The following NFASC variants were observed in gnomAD, a reference collection of about 807,000 sequenced individuals.
NFASC encodes the protein neurofascin homolog.
In NFASC, 43 loss-of-function variants were observed where a neutral mutation model predicts 147.5. That is an observed-to-expected ratio of 0.29 (90% CI 0.23 to 0.38). The LOEUF (loss-of-function observed/expected upper bound fraction) is 0.38, where lower values mean the gene tolerates loss of function less well. Ranked by LOEUF, NFASC falls within the 10% of genes least tolerant of loss-of-function variation. The pLI is 1.00. For missense variants in NFASC, 1,320 were observed against 1,689.0 expected (o/e 0.78, Z 3.83); for synonymous variants, 622 against 665.5 (o/e 0.93, Z 1.01).
intron 1 of NFASC, among the ~76,000 whole-genome samples, chr1:204,877,707 C>T (rs1424913804): frequency 5.9e-5 from 9 of 152,088 alleles, no homozygotes; most frequent in Non-Finnish European, 1.2e-4. Context: ...TCCATTTATC[C>T]ATTGGTGGAC....
At chr1:204,839,724 C>A (rs1358417791) in intron 1 of NFASC, among the ~76,000 whole-genome samples, 3 of 152,158 alleles carry the variant, frequency 2.0e-5, no homozygotes, top group Non-Finnish European at 4.4e-5. Flanking sequence ...GGGAAGAGGG[C>A]TGTGGAAAGG....
rs749844237 is a variant in NFASC at position 204,936,198 on chromosome 1, C to CTTTTTTTTTTTTTTTTTTT, written c.-90-8023_-90-8022insTTTTTTTTTTTTTTTTTTT. On this transcript the variant is annotated intron_variant, in intron 2 of 29. Transcript: ENST00000339876. ...TAACAGATTCCCTCTCTCTCTCTTT[C>CTTTTTTTTTTTTTTTTTTT]TTTTTCTTTTTTTTTTTTTTTGAGA... 2.8e-5 allele frequency among the ~76,000 whole-genome samples: 2 copies of CTTTTTTTTTTTTTTTTTTT among 71,880 alleles called. 1 individual carries two copies. The allele number at this position is 71,880 out of a possible 152,430, so 47.2% of individuals were successfully genotyped here.
intron 21 of NFASC, chr1:204,983,890 A>T (rs2095555697): frequency 3.2e-6 from 2 of 623,124 alleles, no homozygotes; most frequent in African/African-American, 1.8e-5. Context: ...GTACTGTCTC[A>T]TGGAGGAGAT....
rs749143598 is a variant in NFASC at position 204,944,372 on chromosome 1, C to A, written c.57C>A (p.Leu19=). The change falls in exon 3 of 30, where the codon CTC becomes CTA. Residue 19 remains leucine, a synonymous_variant. Transcript: ENST00000339876. The part of the protein sequence containing the change: ...WVHAAFLLCL[L]SLGGAIEIPM... ...ATGCAGCCTTCCTCCTCTGCCTCCT[C>A]AGTCTTGGCGGAGCCATCGAAATTC... is the stretch of plus-strand genomic sequence containing the variant. 2.5e-6 allele frequency: 4 copies of A among 1,612,254 alleles called. No homozygotes were observed.
chr1:204,853,250 G>A (rs1223780668), intron 1 of NFASC, among the ~76,000 whole-genome samples: 2 of 152,218 alleles, frequency 1.3e-5, no homozygotes, highest in African/African-American at 2.4e-5. Context: ...GGCTAGCCTA[G>A]AATGTGTTCA....
chr1:204,963,368 C>T (rs930013440), intron 8 of NFASC, among the ~76,000 whole-genome samples: 10 of 152,206 alleles, frequency 6.6e-5, no homozygotes, highest in Non-Finnish European at 1.2e-4. Flanking sequence ...TGTTCTAAAT[C>T]GGATTCCAGG....
intron 2 of NFASC, among the ~76,000 whole-genome samples, chr1:204,933,044 G>A (rs1198956317): frequency 6.6e-6 from 1 of 152,132 alleles, no homozygotes. Flanking sequence ...GGTAGCGGGG[G>A]CAGTTGGAGA....
At chr1:204,837,398 C>T (rs920006026) in intron 1 of NFASC, among the ~76,000 whole-genome samples, 14 of 152,178 alleles carry the variant, frequency 9.2e-5, no homozygotes, top group Non-Finnish European at 1.6e-4. Context: ...GTGAATTGGC[C>T]AGGCTGCAGC....
intron 1 of NFASC, among the ~76,000 whole-genome samples, chr1:204,905,134 G>A (rs2085534524): frequency 6.6e-6 from 1 of 152,030 alleles, no homozygotes; most frequent in African/African-American, 2.4e-5. Context: ...GCCCAGGCTG[G>A]AGTGCAGTGG....
chr1:204,884,580 A>G (rs1360269659), intron 1 of NFASC, among the ~76,000 whole-genome samples: 1 of 152,088 alleles, frequency 6.6e-6, no homozygotes, highest in Admixed American at 6.5e-5. Flanking sequence ...GGACACCTAG[A>G]TTTGTACCTG....
intron 1 of NFASC, among the ~76,000 whole-genome samples, chr1:204,867,582 G>A (rs2077215981): frequency 6.6e-6 from 1 of 151,954 alleles, no homozygotes; most frequent in Non-Finnish European, 1.5e-5. Context: ...TAGATCCCCT[G>A]TGCCTGATAT....
intron 16 of NFASC, chr1:204,977,135 T>A (rs947277063): frequency 1.7e-6 from 2 of 1,145,890 alleles, no homozygotes; most frequent in African/African-American, 3.2e-5. Context: ...AAACAATCCA[T>A]CCTTAAAGCA....
At chr1:204,997,457 C>T (rs546290097) in intron 25 of NFASC, 51 bp downstream of exon 25, 28 of 1,548,354 alleles carry the variant, frequency 1.8e-5, no homozygotes, top group African/African-American at 1.2e-4. Context: ...GCCTCCCCAG[C>T]GGCCTCCAGA....
intron 1 of NFASC, among the ~76,000 whole-genome samples, chr1:204,871,678 C>T (rs1397394517): frequency 6.6e-6 from 1 of 152,140 alleles, no homozygotes; most frequent in Non-Finnish European, 1.5e-5. Flanking sequence ...TGAGAATAGT[C>T]CCTTTTGCTC....
chr1:204,970,648 C>T lies in NFASC; in HGVS notation c.1036C>T (p.Leu346Phe). 1 of 1,614,182 alleles carries T rather than the reference C, an allele frequency of 6.2e-7. No homozygotes were observed. The highest frequency in any genetic ancestry group is 8.5e-7 in the Non-Finnish European group (1 of 1,180,052). ...CTACTGGCTGGACGAACCCAAGAAC[C>T]TTATTCTGGCTCCTGGCGAGGATGG... ...APYWLDEPKN[L>F]ILAPGEDGRL... Residue 346 changes from leucine to phenylalanine, a missense_variant, in exon 11 of 30, where the codon CTT becomes TTT. By Grantham distance (22) the Leu-to-Phe change is conservative. Around this residue, in one of 3 missense-constraint regions of NFASC, gnomAD observed 981 missense variants for 1,289.5 expected, o/e 0.76. Coordinates refer to ENST00000339876, the MANE Select transcript of NFASC (RefSeq NM_001005388.3).
rs949528162 is a variant in NFASC at position 204,978,985 on chromosome 1, C to T, written c.1894C>T (p.Arg632Trp). Reference protein sequence around the residue: ...ALPKGRPDRPRDLELTDLAER... With the variant: ...ALPKGRPDRPWDLELTDLAER... ...GCCACCAGGACGGCCAGACCGGCCC[C>T]GGGACCTGGAGCTGACCGACCTGGC... Residue 632 changes from arginine (R) to tryptophan (W), a missense_variant, in exon 18 of 30, where the codon CGG becomes TGG. Physicochemically the swap from Arg to Trp is moderately radical, Grantham distance 101. Coordinates refer to ENST00000339876, the MANE Select transcript of NFASC (RefSeq NM_001005388.3). The T allele has an allele frequency of 3.1e-5, 49 of 1,557,514 alleles. No individual in the cohort carries two copies. Among genetic ancestry groups the T allele is most frequent in the African/African-American group, 1.8e-4 (13 of 73,506 alleles).
rs149873707 is a variant in NFASC, at chr1:204,944,336, G to A, written c.21G>A (p.Pro7=). The change falls in exon 3 of 30, where the codon CCG becomes CCA. Residue 7 remains proline (P), a synonymous_variant. Coordinates refer to ENST00000339876, the MANE Select transcript of NFASC (RefSeq NM_001005388.3). ...CGAGGATGGCCAGGCAGCCACCGCC[G>A]CCCTGGGTCCATGCAGCCTTCCTCC... MARQPP[P]PWVHAAFLLC... is the part of the protein sequence containing the mutation. 2.1e-5 allele frequency: 34 copies of A among 1,613,726 alleles called. No individual in the cohort carries two copies. The highest frequency in any genetic ancestry group is 1.1e-4 in the African/African-American group (8 of 75,042).
chr1:204,959,646 G>T (rs111405081), intron 8 of NFASC, among the ~76,000 whole-genome samples: 1 of 152,346 alleles, frequency 6.6e-6, no homozygotes, highest in African/African-American at 2.4e-5. Context: ...CCCAGACGAC[G>T]CTAGAAATCG....
chr1:204,857,740 T>G (rs1247092535), intron 1 of NFASC, among the ~76,000 whole-genome samples: 1 of 152,112 alleles, frequency 6.6e-6, no homozygotes, highest in African/African-American at 2.4e-5. Flanking sequence ...CCTGGTGGCT[T>G]CAACAACAGA....
Sources: allele counts gnomAD v4.1 joint callset (sites outside exome capture counted in the v4.1 genomes callset), GRCh38; gene constraint gnomAD v4.1.1; regional missense constraint gnomAD v4.1.1; transcripts MANE v1.5; gene names NCBI Gene and HGNC (gene_info 2026-07-23, HGNC 2026-07-21).